Variants in IFI16 observed in about 807,000 individuals in gnomAD.
IFI16 encodes the protein interferon gamma inducible protein 16, also known as gamma-interferon-inducible protein 16.
Under a neutral mutation model 68.4 loss-of-function variants are expected in IFI16, and 49 were observed. That is an observed-to-expected ratio of 0.72 (90% CI 0.57 to 0.91). The LOEUF (loss-of-function observed/expected upper bound fraction) is 0.91, where lower values mean the gene tolerates loss of function less well. Ranked by LOEUF, IFI16 falls within the 40% of genes least tolerant of loss-of-function variation. The probability of loss-of-function intolerance (pLI) is 0.00; values close to 1 mark genes in which losing one functional copy is unlikely to be tolerated. For synonymous variants in IFI16, 307 were observed against 315.0 expected (o/e 0.97, Z 0.27); for missense variants, 878 against 942.9 (o/e 0.93, Z 0.90).
chr1:159,030,605 G>A (rs1653941906), intron 6 of IFI16, among the ~76,000 whole-genome samples: 2 of 152,174 alleles, frequency 1.3e-5, no homozygotes, highest in Admixed American at 6.5e-5. Flanking sequence ...GGCTGGTACT[G>A]GGTAGTGTCT....
chr1:159,050,312 C>T (rs746973544), intron 9 of IFI16, among the ~76,000 whole-genome samples: 5 of 152,130 alleles, frequency 3.3e-5, no homozygotes, highest in East Asian at 1.9e-4. Flanking sequence ...GTATTTACAA[C>T]GAACATAATA....
intron 8 of IFI16, 117 bp downstream of exon 8, chr1:159,045,581 A>T (rs1210855687): frequency 9.6e-7 from 1 of 1,038,132 alleles, no homozygotes; most frequent in Non-Finnish European, 1.4e-6. Flanking sequence ...AATTTAACCA[A>T]ATCAGTCATT....
At position 159,015,948 on chromosome 1, in the gene IFI16, T is replaced by C; in HGVS notation, c.342T>C (p.Thr114=). ...ATSPAPSTSS[T]VKTEGAEATP... ...CACCTGCACCCTCCACAAGCAGCAC[T>C]GTCAAAACTGAAGGAGCAGAGGCAA... The change falls in exon 3 of 12, where the codon ACT becomes ACC. Residue 114 remains threonine (T), a synonymous_variant. Transcript: ENST00000295809. 6.2e-7 allele frequency: 1 copy of C among 1,614,110 alleles called. No homozygotes were observed. The highest frequency in any genetic ancestry group is 1.6e-4 in the Middle Eastern group (1 of 6,062).
intron 2 of IFI16, among the ~76,000 whole-genome samples, chr1:159,015,416 A>G (rs1217535619): frequency 6.6e-6 from 1 of 152,214 alleles, no homozygotes; most frequent in African/African-American, 2.4e-5. Context: ...GTTAAAAAAA[A>G]GGATTTGAAA....
intron 7 of IFI16, among the ~76,000 whole-genome samples, chr1:159,041,417 G>A (rs1331373368): frequency 6.6e-6 from 1 of 152,146 alleles, no homozygotes; most frequent in African/African-American, 2.4e-5. Context: ...AGCTTTGAGA[G>A]GATCCTCGCA....
chr1:159,006,140 A>C (rs1652248472), upstream of IFI16: 1 of 152,260 alleles, frequency 6.6e-6, no homozygotes, highest in Admixed American at 6.5e-5. Context: ...TGTTGTACCC[A>C]AGCGAGTTAA....
Position 159,018,490 on chromosome 1 carries a change from C to T in IFI16, c.811C>T (p.Leu271=). 4.3e-6 allele frequency: 7 copies of T among 1,613,910 alleles called. No individual in the cohort carries two copies. Among genetic ancestry groups the T allele is most frequent in the Non-Finnish European group, 5.9e-6 (7 of 1,179,836 alleles). ...ISDYLEYDSL[L]EVNEESTVSE... The stretch of plus-strand genomic sequence containing the variant: ...AGATTATTTGGAATATGATAGTCTC[C>T]TAGAGGTCAATGAAGAATCTACTGT... The change falls in exon 5 of 12, where the codon CTA becomes TTA. Residue 271 remains leucine, a synonymous_variant. Transcript: ENST00000295809.
intron 7 of IFI16, among the ~76,000 whole-genome samples, chr1:159,034,698 A>G (rs1321249230): frequency 2.0e-5 from 3 of 152,174 alleles, no homozygotes; most frequent in Admixed American, 2.0e-4. Flanking sequence ...GTTTCAGATT[A>G]GGTGAGATCC....
intron 8 of IFI16, among the ~76,000 whole-genome samples, chr1:159,045,985 T>G (rs1225200663): frequency 1.3e-5 from 2 of 151,326 alleles, no homozygotes; most frequent in Admixed American, 1.3e-4. Context: ...TCTTATTATA[T>G]TCTCTCAGAG....
At chr1:159,041,472 C>T (rs1027063284) in intron 7 of IFI16, among the ~76,000 whole-genome samples, 9 of 152,246 alleles carry the variant, frequency 5.9e-5, no homozygotes, top group African/African-American at 2.2e-4. Context: ...GGTTGGTGTA[C>T]TAGAGCCTGA....
At chr1:159,022,539 A>C (rs1653404911) in intron 6 of IFI16, among the ~76,000 whole-genome samples, 1 of 152,146 alleles carries the variant, frequency 6.6e-6, no homozygotes, top group Admixed American at 6.5e-5. Context: ...ACTGGCTAGC[A>C]CTTAGAACTT....
Position 159,016,002 on chromosome 1 carries a change from G to C in IFI16, c.381+15G>C. 6.4e-7 allele frequency: 1 copy of C among 1,562,924 alleles called. No homozygotes were observed. Among genetic ancestry groups the C allele is most frequent in the East Asian group, 2.2e-5 (1 of 44,624 alleles). ...CTGGAGCTCAGGTAAGCTTCAGGAA[G>C]AGGAGCAGGCTTCAAGTCCCACAGA... is the stretch of plus-strand genomic sequence containing the variant. On this transcript the variant is annotated intron_variant, in intron 3 of 11. Transcript: ENST00000295809.
At chr1:159,012,733 A>G (rs1215196602) in intron 1 of IFI16, among the ~76,000 whole-genome samples, 1 of 152,162 alleles carries the variant, frequency 6.6e-6, no homozygotes, top group African/African-American at 2.4e-5. Context: ...GGCGGGAAGG[A>G]AGACACTGTC....
At chr1:159,015,071 C>A in intron 2 of IFI16, 126 bp downstream of exon 2, 1 of 899,458 alleles carries the variant, frequency 1.1e-6, no homozygotes, top group Non-Finnish European at 1.7e-6. Context: ...ACAGCTGAGA[C>A]AATGTTGGTA....
upstream of IFI16, among the ~76,000 whole-genome samples, chr1:159,002,384 GT>G (rs1652093722): frequency 7.2e-6 from 1 of 139,212 alleles, no homozygotes; most frequent in Non-Finnish European, 1.5e-5. Context: ...ATATATAGTA[GT>G]GTTATAATTG....
rs1652447845 is a variant in IFI16 at position 159,010,031 on chromosome 1, A to G, written c.-151A>G. 6.6e-6 allele frequency: 1 copy of G among 152,040 alleles called. No homozygotes were observed. 9.4% of individuals were successfully genotyped at this position (152,040 alleles called of 1,614,324 possible). ...CTTCATTTTCTTAGCGTTTCTGGAG[A>G]TTACAACATCCTGCGGTTCCGTTTC... On this transcript the variant is annotated 5_prime_UTR_variant, in exon 1 of 12. Coordinates refer to ENST00000295809, the MANE Select transcript of IFI16 (RefSeq NM_001376587.1).
chr1:159,051,079 T>C (rs1655329816), intron 9 of IFI16, among the ~76,000 whole-genome samples: 1 of 152,012 alleles, frequency 6.6e-6, no homozygotes, highest in East Asian at 1.9e-4. Context: ...GTCACTGTCA[T>C]ATTAGGCAGG....
chr1:159,038,144 GTTTC>G (rs113127662), intron 7 of IFI16, among the ~76,000 whole-genome samples: 5,589 of 152,098 alleles, frequency 0.037, 115 homozygotes, highest in Non-Finnish European at 0.046. Context: ...ATGCAAATAT[GTTTC>G]TTCCAGTATG....
intron 6 of IFI16, among the ~76,000 whole-genome samples, chr1:159,023,446 T>C (rs1571851375): frequency 6.6e-6 from 1 of 151,912 alleles, no homozygotes; most frequent in East Asian, 1.9e-4. Flanking sequence ...TTATTTAGTC[T>C]ACTTAAAAAA....
Sources: allele counts gnomAD v4.1 joint callset (sites outside exome capture counted in the v4.1 genomes callset), GRCh38; gene constraint gnomAD v4.1.1; transcripts MANE v1.5; gene names NCBI Gene and HGNC (gene_info 2026-07-23, HGNC 2026-07-21).